CFHR5: variants seen among roughly 807,000 people sequenced by gnomAD.
CFHR5 encodes complement factor H-related protein 5.
CFHR5 carries 73 observed loss-of-function variants against 62.9 expected under a neutral mutation model. The ratio of observed to expected loss-of-function variants is 1.16; its 90% CI spans 0.96 to 1.41. The LOEUF is 1.41. Among genes scored for constraint, CFHR5 ranks in the 40% most tolerant of loss-of-function variants. The pLI is 0.00. For synonymous variants in CFHR5, 249 were observed against 227.2 expected (o/e 1.10, Z -0.86); for missense variants, 779 against 679.9 (o/e 1.15, Z -1.62).
At chr1:196,986,284 G>T (rs778068757) in intron 3 of CFHR5, among the ~76,000 whole-genome samples, 1 of 151,958 alleles carries the variant, frequency 6.6e-6, no homozygotes, top group African/African-American at 2.4e-5. Flanking sequence ...TCTGGGGGCC[G>T]TTATTCCATT....
In CFHR5 at chr1:196,991,536, A is replaced by G. The variant is rs367879407; in HGVS notation, c.431-2544A>G. On this transcript the variant is annotated intron_variant, in intron 3 of 9. Coordinates refer to ENST00000256785, the MANE Select transcript of CFHR5 (RefSeq NM_030787.4). Reference sequence around the variant, plus strand: ...CTTTGGTCTTTGATGTTGGTGACCTACAGATGGGGTTTTGTTGTGGATGTC... The same window carrying G: ...CTTTGGTCTTTGATGTTGGTGACCTGCAGATGGGGTTTTGTTGTGGATGTC... 2.0e-5 allele frequency among the ~76,000 whole-genome samples: 3 copies of G among 152,220 alleles called. No individual in the cohort carries two copies. In the East Asian group the frequency reaches 5.8e-4, roughly 29 times the overall value.
At chr1:196,995,990 G>T (rs752921511) in intron 5 of CFHR5, 32 bp from the exon 6 acceptor site, 1 of 1,607,600 alleles carries the variant, frequency 6.2e-7, no homozygotes, top group Admixed American at 1.7e-5. Context: ...AATATTTTCA[G>T]AGTAAGCACT....
chr1:197,000,497 G>A (rs971375032), intron 7 of CFHR5, among the ~76,000 whole-genome samples: 3 of 152,088 alleles, frequency 2.0e-5, no homozygotes, highest in African/African-American at 7.2e-5. Context: ...TATGTGTAAT[G>A]TTCTTTTTAC....
chr1:197,004,060 GGT>G (rs1243175589), intron 8 of CFHR5, among the ~76,000 whole-genome samples: 3 of 152,072 alleles, frequency 2.0e-5, no homozygotes, highest in Non-Finnish European at 4.4e-5. Flanking sequence ...TTATGTTCTT[GGT>G]GATATATAAA....
chr1:196,995,862 T>C lies in CFHR5; in HGVS notation c.753T>C (p.Cys251=), dbSNP rs1195994645. The C allele has an allele frequency of 6.2e-7, 1 of 1,613,418 alleles. No individual in the cohort carries two copies. ...FIINGPKKIQ[C]VDGEWTTLPT... ...TAAACGGGCCTAAGAAAATACAATG[T>C]GTGGATGGAGAATGGACAACTTTAC... The change falls in exon 5 of 10, where the codon TGT becomes TGC. Residue 251 remains cysteine (C), a synonymous_variant. Coordinates refer to ENST00000256785, the MANE Select transcript of CFHR5 (RefSeq NM_030787.4).
At chr1:196,993,264 A>G (rs904813515) in intron 3 of CFHR5, among the ~76,000 whole-genome samples, 2 of 152,124 alleles carry the variant, frequency 1.3e-5, no homozygotes, top group Non-Finnish European at 2.9e-5. Flanking sequence ...TCAACTTAAC[A>G]TTTATTAGTT....
intron 1 of CFHR5, among the ~76,000 whole-genome samples, chr1:196,978,074 CA>C (rs970535013): frequency 3.4e-4 from 51 of 152,154 alleles, no homozygotes; most frequent in African/African-American, 1.2e-3. Context: ...AAATCAACCC[CA>C]AAAGATTTGG....
At chr1:196,977,416 T>C (rs9427661), upstream of CFHR5, 60,022 of 500,996 alleles carry the variant, frequency 0.12, 6,633 homozygotes, top group African/African-American at 0.43. Context: ...ACAGCAGTTA[T>C]TTTGCTTAAA....
chr1:197,004,937 C>T, intron 9 of CFHR5, 94 bp downstream of exon 9: 4 of 979,970 alleles, frequency 4.1e-6, no homozygotes, highest in Non-Finnish European at 6.3e-6. Context: ...ACTTAAGTTT[C>T]ATTCAGTCAA....
At chr1:196,977,427 T>C, upstream of CFHR5, 1 of 530,300 alleles carries the variant, frequency 1.9e-6, no homozygotes, top group East Asian at 3.5e-5. Context: ...TTTGCTTAAA[T>C]AAATATTACA....
intron 9 of CFHR5, among the ~76,000 whole-genome samples, chr1:197,006,605 G>A (rs186688012): frequency 1.5e-4 from 22 of 151,504 alleles, no homozygotes; most frequent in South Asian, 2.1e-4. Context: ...TCAGCTACTC[G>A]GGAGGCTGAG....
upstream of CFHR5, among the ~76,000 whole-genome samples, chr1:196,975,655 A>G (rs777104700): frequency 8.5e-5 from 13 of 152,206 alleles, no homozygotes; most frequent in Non-Finnish European, 1.5e-4. Flanking sequence ...CAAAGCACAA[A>G]GTGAGGATTG....
At chr1:197,003,861 G>A (rs1228917091) in intron 8 of CFHR5, among the ~76,000 whole-genome samples, 2 of 152,160 alleles carry the variant, frequency 1.3e-5, no homozygotes, top group Non-Finnish European at 2.9e-5. Flanking sequence ...GAATGATTAA[G>A]TGGAAAGGGA....
At position 197,008,677 on chromosome 1, in the gene CFHR5, T is replaced by A. The variant is rs143140599; in HGVS notation, c.1704T>A (p.Cys568Ter). ...CQEGKFEYPI[C>*]E ...AAGGGAAATTTGAATATCCTATATG[T>A]GAATGAAGCAAGCATAATTTTCCTG... is the stretch of plus-strand genomic sequence containing the variant. The change falls in exon 10 of 10, where the codon TGT (cysteine) becomes TGA (stop). Residue 568 changes from cysteine to a stop codon, truncating the protein, a stop_gained. Coordinates refer to ENST00000256785, the MANE Select transcript of CFHR5 (RefSeq NM_030787.4). LOFTEE classifies it high-confidence loss of function. The A allele has an allele frequency of 1.4e-3, 2,247 of 1,611,556 alleles. 26 individuals carry two copies. In the African/African-American group the frequency reaches 0.025, roughly 18 times the overall value.
chr1:197,008,473 A>C lies in CFHR5; in HGVS notation c.1514-14A>C, dbSNP rs944683483. On this transcript the variant is annotated splice_polypyrimidine_tract_variant and intron_variant, in intron 9 of 9. Coordinates refer to ENST00000256785, the MANE Select transcript of CFHR5 (RefSeq NM_030787.4). ...TATTATTTATTTATTTTATTTTACC[A>C]TTTCTTCTTTCAGATCCATGTGTGG... 27 of 1,486,152 alleles carry C rather than the reference A, an allele frequency of 1.8e-5. No homozygotes were observed. The highest frequency in any genetic ancestry group is 2.5e-5 in the Non-Finnish European group (27 of 1,088,290). 92.1% of individuals were successfully genotyped at this position (1,486,152 alleles called of 1,614,324 possible). A position where few individuals can be genotyped will look rare whatever the true frequency, so the allele number is the denominator to read the frequency against.
chr1:196,998,411 T>G, intron 7 of CFHR5, 107 bp downstream of exon 7: 1 of 911,270 alleles, frequency 1.1e-6, no homozygotes, highest in Non-Finnish European at 1.7e-6. Flanking sequence ...GCATATAATT[T>G]CTATGCTAAT....
chr1:197,004,598 G>T (rs1479650848), intron 8 of CFHR5, 63 bp from the exon 9 acceptor site: 10 of 1,229,630 alleles, frequency 8.1e-6, no homozygotes, highest in Non-Finnish European at 1.1e-5. Flanking sequence ...GATACATGAT[G>T]CTTCATTATA....
Position 196,984,143 on chromosome 1 carries a change from CA to C in CFHR5, c.430+10del, listed in dbSNP as rs1653620372. 5 of 1,608,738 alleles carry C rather than the reference CA, an allele frequency of 3.1e-6. No individual in the cohort carries two copies. The highest frequency in any genetic ancestry group is 4.3e-6 in the Non-Finnish European group (5 of 1,175,482). On this transcript the variant is annotated splice_region_variant and intron_variant, in intron 3 of 9. Transcript: ENST00000256785. ...TCCCATATGCAGCTTCACTAGTAAG[CA>C]AAATACCACTCTCTCAGTTTTGCTA...
chr1:196,983,210 C>T, intron 2 of CFHR5, 131 bp downstream of exon 2: 1 of 1,197,758 alleles, frequency 8.3e-7, no homozygotes, highest in East Asian at 2.5e-5. Context: ...GAGATGTAGT[C>T]CTCCTATTTT....
Sources: allele counts gnomAD v4.1 joint callset (sites outside exome capture counted in the v4.1 genomes callset), GRCh38; gene constraint gnomAD v4.1.1; transcripts MANE v1.5; gene names NCBI Gene and HGNC (gene_info 2026-07-23, HGNC 2026-07-21).